Variants in PEPD observed in about 807,000 individuals in gnomAD.
The protein encoded by PEPD is xaa-Pro dipeptidase.
Under a neutral mutation model 60.7 loss-of-function variants are expected in PEPD, and 53 were observed. That is an observed-to-expected ratio of 0.87 (90% CI 0.70 to 1.10). The LOEUF is 1.10. Ranked by LOEUF, PEPD falls within the 50% of genes least tolerant of loss-of-function variation. PEPD has a pLI of 0.00. For missense variants in PEPD, 711 were observed against 711.9 expected, an observed-to-expected ratio of 1.00 and a Z score of 0.01; for synonymous variants, 267 against 284.1, an observed-to-expected ratio of 0.94 and a Z score of 0.60.
At chr19:33,490,379 G>A (rs576915167) in intron 5 of PEPD, among the ~76,000 whole-genome samples, 15 of 152,188 alleles carry the variant, frequency 9.9e-5, no homozygotes, top group Non-Finnish European at 1.5e-4. Flanking sequence ...CGAGGACCCG[G>A]GACCACTCCC....
chr19:33,445,934 G>A lies in PEPD; in HGVS notation c.671+17061C>T, dbSNP rs373254929. Among the ~76,000 whole-genome samples the A allele has an allele frequency of 1.2e-3, 185 of 152,252 alleles. 2 individuals carry two copies. The highest frequency in any genetic ancestry group is 4.0e-3 in the African/African-American group (168 of 41,532). The stretch of plus-strand genomic sequence containing the variant: ...CCAGGAGCGGCCTGAATTATTCCCC[G>A]TGGCAGAAGAGAGAAATCCACGACC... On this transcript the variant is annotated intron_variant, in intron 9 of 14. Coordinates refer to ENST00000244137, the MANE Select transcript of PEPD (RefSeq NM_000285.4).
chr19:33,517,204 CTG>C (rs1971039027), intron 1 of PEPD, among the ~76,000 whole-genome samples: 1 of 151,258 alleles, frequency 6.6e-6, no homozygotes, highest in Non-Finnish European at 1.5e-5. Flanking sequence ...ATTTTGATAC[CTG>C]TATTTCCATA....
rs748395241 is a variant in PEPD at position 33,411,723 on chromosome 19, T to C, written c.767A>G (p.Tyr256Cys). 6 of 1,610,652 alleles carry C rather than the reference T, an allele frequency of 3.7e-6. No homozygotes were observed. The highest frequency in any genetic ancestry group is 5.1e-6 in the Non-Finnish European group (6 of 1,177,246). Residue 256 changes from tyrosine (Y) to cysteine (C), a missense_variant, in exon 11 of 15, where the codon TAC (tyrosine) becomes TGC (cysteine). Coordinates refer to ENST00000244137, the MANE Select transcript of PEPD (RefSeq NM_000285.4). ...GSGENSAVLH[Y>C]GHAGAPNDRT... is the part of the protein sequence containing the mutation. Reference sequence around the variant, plus strand: ...GTCGTTGGGAGCTCCGGCGTGTCCGTAGTGTAGCACGGCTGAGTTCTCACC... The same window carrying C: ...GTCGTTGGGAGCTCCGGCGTGTCCGCAGTGTAGCACGGCTGAGTTCTCACC...
chr19:33,475,170 A>G lies in PEPD; in HGVS notation c.548+2876T>C, dbSNP rs536259785. On this transcript the variant is annotated intron_variant, in intron 7 of 14. Transcript: ENST00000244137. ...AGAAAAGTCAAGTGACTTCCTGAGC[A>G]GGGAGGAGATAGGGCTAGAATTCAC... Among the ~76,000 whole-genome samples, 17 of 152,184 alleles carry G rather than the reference A, an allele frequency of 1.1e-4. No individual in the cohort carries two copies. The East Asian group carries it at 2.9e-3, about 26-fold the overall frequency.
At chr19:33,401,577 C>T in intron 12 of PEPD, 144 bp downstream of exon 12, 1 of 796,998 alleles carries the variant, frequency 1.3e-6, no homozygotes, top group Admixed American at 2.0e-5. Flanking sequence ...AGACCTGACG[C>T]CACTGGAATC....
At chr19:33,477,667 A>G (rs1452272323) in intron 7 of PEPD, among the ~76,000 whole-genome samples, 1 of 152,192 alleles carries the variant, frequency 6.6e-6, no homozygotes, top group Non-Finnish European at 1.5e-5. Context: ...ACAGAATGCC[A>G]CCTTTGTCAA....
intron 7 of PEPD, among the ~76,000 whole-genome samples, chr19:33,466,344 GA>G (rs1323132631): frequency 6.6e-6 from 1 of 152,194 alleles, no homozygotes; most frequent in Non-Finnish European, 1.5e-5. Flanking sequence ...GGTCAAGGGG[GA>G]AAATGTAACC....
intron 11 of PEPD, among the ~76,000 whole-genome samples, chr19:33,404,585 G>A (rs1448761090): frequency 1.3e-5 from 2 of 152,124 alleles, no homozygotes; most frequent in African/African-American, 4.8e-5. Context: ...CCAAACTCCC[G>A]CCAGCAAAGC....
chr19:33,432,844 G>A (rs372679313), intron 9 of PEPD, among the ~76,000 whole-genome samples: 2 of 152,218 alleles, frequency 1.3e-5, no homozygotes, highest in East Asian at 1.9e-4. Flanking sequence ...GGCGCTTCCG[G>A]GCTCCCAGTA....
intron 9 of PEPD, among the ~76,000 whole-genome samples, chr19:33,428,370 A>C (rs1462761661): frequency 6.6e-6 from 1 of 152,042 alleles, no homozygotes; most frequent in African/African-American, 2.4e-5. Flanking sequence ...AAGCCCACCC[A>C]CTTCTAGCAC....
intron 13 of PEPD, among the ~76,000 whole-genome samples, chr19:33,389,986 G>A (rs1406682160): frequency 6.6e-6 from 1 of 152,270 alleles, no homozygotes; most frequent in Non-Finnish European, 1.5e-5. Context: ...GCCTTCAGGG[G>A]TGGGGAGGGG....
At chr19:33,470,879 C>T (rs1247449499) in intron 7 of PEPD, among the ~76,000 whole-genome samples, 3 of 152,156 alleles carry the variant, frequency 2.0e-5, no homozygotes, top group Non-Finnish European at 2.9e-5. Flanking sequence ...TCTGCCACTG[C>T]CTCGTCCCAG....
chr19:33,412,421 T>C (rs1968798507), intron 10 of PEPD, among the ~76,000 whole-genome samples: 1 of 152,086 alleles, frequency 6.6e-6, no homozygotes, highest in Non-Finnish European at 1.5e-5. Context: ...ACCCCTCCTT[T>C]CCTGGTGGCC....
intron 9 of PEPD, among the ~76,000 whole-genome samples, chr19:33,423,333 T>G (rs1270432799): frequency 1.3e-5 from 2 of 152,242 alleles, no homozygotes; most frequent in East Asian, 3.8e-4. Flanking sequence ...GATGGAGGCT[T>G]CTTCTGCCTC....
chr19:33,521,753 G>A lies in PEPD; in HGVS notation c.8C>T (p.Ala3Val), dbSNP rs1198066991. MAAATGPSFWLGN... is the reference protein window; with the variant it reads MAVATGPSFWLGN... ...GAGGCGCAGCACTCACCCGGTGGCC[G>A]CCGCCATGTTCGCCCGGCACCGGCG... is the stretch of plus-strand genomic sequence containing the variant. The change falls in exon 1 of 15, where the codon GCG becomes GTG. Residue 3 changes from alanine to valine, a missense_variant. Coordinates refer to ENST00000244137, the MANE Select transcript of PEPD (RefSeq NM_000285.4). 4 of 1,576,650 alleles carry A rather than the reference G, an allele frequency of 2.5e-6. No homozygotes were observed. The highest frequency in any genetic ancestry group is 3.4e-6 in the Non-Finnish European group (4 of 1,166,852).
intron 11 of PEPD, among the ~76,000 whole-genome samples, chr19:33,408,592 C>G (rs1968694260): frequency 6.6e-6 from 1 of 152,188 alleles, no homozygotes; most frequent in Admixed American, 6.5e-5. Flanking sequence ...TCTGGCTGCC[C>G]TGGACCAGCT....
chr19:33,467,156 C>CA lies in PEPD; in HGVS notation c.549-3095dup, dbSNP rs72043066. Among the ~76,000 whole-genome samples the CA allele has an allele frequency of 1.7e-3, 209 of 123,660 alleles. 4 individuals are homozygous for CA. The highest frequency in any genetic ancestry group is 4.2e-3 in the Middle Eastern group (1 of 238). The allele number at this position is 123,660 out of a possible 152,430, so 81.1% of individuals were successfully genotyped here. ...TGGGTGACAGAGCAAGACTCCGTCT[C>CA]AAAAAAAAAAAAAAAGAAAGAAAGA... On this transcript the variant is annotated intron_variant, in intron 7 of 14. Coordinates refer to ENST00000244137, the MANE Select transcript of PEPD (RefSeq NM_000285.4).
Position 33,512,874 on chromosome 19 carries a change from C to T in PEPD, c.18-98G>A, listed in dbSNP as rs532149953. ...GGGGTGACCGGAGGCCCGAGCCTGC[C>T]GTGGGACCCCCATCAGCACGGGGCA... On this transcript the variant is annotated intron_variant, in intron 1 of 14. Transcript: ENST00000244137. 1.1e-4 allele frequency: 156 copies of T among 1,362,980 alleles called. 1 individual carries two copies. The highest frequency in any genetic ancestry group is 1.5e-4 in the Non-Finnish European group (141 of 957,854). The allele number at this position is 1,362,980 out of a possible 1,614,324, so 84.4% of individuals were successfully genotyped here. A position where few individuals can be genotyped will look rare whatever the true frequency, so the allele number is the denominator to read the frequency against.
At chr19:33,509,358 C>T (rs1461753620) in intron 3 of PEPD, among the ~76,000 whole-genome samples, 2 of 152,224 alleles carry the variant, frequency 1.3e-5, no homozygotes, top group Non-Finnish European at 2.9e-5. Flanking sequence ...AATTGTGCTC[C>T]AGGCTGAGTC....
Sources: allele counts gnomAD v4.1 joint callset (sites outside exome capture counted in the v4.1 genomes callset), GRCh38; gene constraint gnomAD v4.1.1; transcripts MANE v1.5; gene names NCBI Gene and HGNC (gene_info 2026-07-23, HGNC 2026-07-21).